The following THBS2 variants were observed in gnomAD, a reference collection of about 807,000 sequenced individuals.
THBS2 encodes thrombospondin 2, also known as thrombospondin-2.
A neutral mutation model predicts 135.2 loss-of-function variants in THBS2; 47 were observed. The observed-to-expected ratio is 0.35, with a 90% confidence interval of 0.28 to 0.44. The LOEUF is 0.44. Among genes scored for constraint, THBS2 ranks in the 20% least tolerant of loss-of-function variants. THBS2 has a pLI of 1.00. For synonymous variants in THBS2, 639 were observed against 633.8 expected (o/e 1.01, Z -0.12); for missense variants, 1,288 against 1,603.1 (o/e 0.80, Z 3.36).
chr6:169,234,954 G>C (rs1326975550), intron 9 of THBS2, 47 bp from the exon 10 acceptor site: 1 of 1,558,620 alleles, frequency 6.4e-7, no homozygotes, highest in Admixed American at 1.8e-5. Context: ...GACCCGGGGT[G>C]GAGAACGTGA....
chr6:169,240,909 G>A (rs1055777894), intron 5 of THBS2, among the ~76,000 whole-genome samples: 2 of 152,122 alleles, frequency 1.3e-5, no homozygotes, highest in Non-Finnish European at 1.5e-5. Flanking sequence ...GACGCCAGGT[G>A]GGACTGGGGT....
At position 169,240,501 on chromosome 6, in the gene THBS2, G is replaced by A. The variant is rs748832623; in HGVS notation, c.983C>T (p.Ala328Val). ...SACWQDGRFFAENETWVVDSC... is the reference protein window; with the variant it reads ...SACWQDGRFFVENETWVVDSC... Reference sequence around the variant, plus strand: ...GTCCACCACCCACGTTTCATTTTCCGCAAAGAACCGGCCATCCTGCCAGCA... The same window carrying A: ...GTCCACCACCCACGTTTCATTTTCCACAAAGAACCGGCCATCCTGCCAGCA... The change falls in exon 6 of 22, where the codon GCG becomes GTG. Residue 328 changes from alanine (A) to valine (V), a missense_variant. Coordinates refer to ENST00000617924, the MANE Select transcript of THBS2 (RefSeq NM_003247.5). 1.9e-5 allele frequency: 31 copies of A among 1,613,812 alleles called. No individual in the cohort carries two copies. Among genetic ancestry groups the A allele is most frequent in the African/African-American group, 1.7e-4 (13 of 74,912 alleles).
intron 14 of THBS2, among the ~76,000 whole-genome samples, chr6:169,229,343 A>G (rs1047153917): frequency 6.6e-6 from 1 of 152,208 alleles, no homozygotes; most frequent in Non-Finnish European, 1.5e-5. Context: ...AATAGAAAAA[A>G]TTATTCAAAA....
At position 169,250,348 on chromosome 6, in the gene THBS2, T is replaced by C. The variant is rs1780711296; in HGVS notation, c.52+385A>G. On this transcript the variant is annotated intron_variant, in intron 2 of 21. Transcript: ENST00000617924. ...ATTGAAAAAGATCAGGCTTTATCTG[T>C]GATGAAATATTATGTGGTCATTAAA... Among the ~76,000 whole-genome samples the C allele has an allele frequency of 2.0e-5, 3 of 152,340 alleles. No individual in the cohort carries two copies. In the South Asian group the frequency reaches 6.2e-4, roughly 32 times the overall value.
intron 10 of THBS2, among the ~76,000 whole-genome samples, chr6:169,234,095 C>A (rs1779948365): frequency 6.6e-6 from 1 of 151,114 alleles, no homozygotes; most frequent in Admixed American, 6.6e-5. Flanking sequence ...CAACTACCTA[C>A]ACACCATGTT....
intron 10 of THBS2, among the ~76,000 whole-genome samples, chr6:169,233,874 A>T (rs990477314): frequency 6.7e-6 from 1 of 149,716 alleles, no homozygotes; most frequent in Non-Finnish European, 1.5e-5. Flanking sequence ...TATACCACAC[A>T]ACTACCTACA....
chr6:169,249,951 AC>A (rs1380501424), intron 2 of THBS2, among the ~76,000 whole-genome samples: 1 of 151,338 alleles, frequency 6.6e-6, no homozygotes, highest in African/African-American at 2.4e-5. Context: ...AATGGCGTGA[AC>A]CCGGGAGGCA....
intron 8 of THBS2, 39 bp downstream of exon 8, chr6:169,237,585 AC>A (rs1376950839): frequency 6.2e-7 from 1 of 1,608,074 alleles, no homozygotes. Context: ...ACGCGGCCCC[AC>A]CCCCACAGGC....
chr6:169,227,608 G>A (rs1779683231), intron 15 of THBS2, among the ~76,000 whole-genome samples: 1 of 152,186 alleles, frequency 6.6e-6, no homozygotes, highest in Non-Finnish European at 1.5e-5. Context: ...TTTCTCTAGG[G>A]CGGTCCTGTG....
At chr6:169,220,074 G>T in intron 21 of THBS2, 124 bp downstream of exon 21, 3 of 1,221,608 alleles carry the variant, frequency 2.5e-6, no homozygotes, top group Admixed American at 2.2e-5. Flanking sequence ...CTCATGTGTG[G>T]TATTGTGCAT....
rs778445351 is a variant in THBS2 at position 169,217,817 on chromosome 6, C to CTTGT, written c.*1_*4dup. The CTTGT allele has an allele frequency of 2.5e-6, 4 of 1,601,180 alleles. No homozygotes were observed. The highest frequency in any genetic ancestry group is 2.2e-5 in the East Asian group (1 of 44,652). On this transcript the variant is annotated 3_prime_UTR_variant, in exon 22 of 22. Transcript: ENST00000617924. ...GGGCATTGCCGGAAATGCAGCAAAT[C>CTTGT]TTGTTTAAATATCTACAAAAAGAAA...
At chr6:169,228,986 T>C (rs1305264345) in intron 14 of THBS2, among the ~76,000 whole-genome samples, 2 of 152,254 alleles carry the variant, frequency 1.3e-5, no homozygotes, top group Non-Finnish European at 2.9e-5. Flanking sequence ...TATGCATCTG[T>C]CTTTTGTTGA....
chr6:169,234,664 C>T, intron 10 of THBS2, 70 bp downstream of exon 10: 1 of 1,371,892 alleles, frequency 7.3e-7, no homozygotes, highest in South Asian at 1.8e-5. Context: ...TCTAGTTTCC[C>T]AAAGCGTTTG....
chr6:169,233,078 C>A, intron 10 of THBS2, 61 bp from the exon 11 acceptor site: 1 of 1,443,534 alleles, frequency 6.9e-7, no homozygotes, highest in South Asian at 1.4e-5. Flanking sequence ...GAAGGAAGCC[C>A]GCCCTGTGGG....
chr6:169,232,821 G>A lies in THBS2; in HGVS notation c.1780-5C>T, dbSNP rs766415644. 1.1e-5 allele frequency: 18 copies of A among 1,612,266 alleles called. No homozygotes were observed. Among genetic ancestry groups the A allele is most frequent in the Non-Finnish European group, 1.1e-5 (13 of 1,179,116 alleles). ...GATGTCGGGGACCAGGGCACACTGC[G>A]GGGACAAGCAGACATGAGAGGCCGC... On this transcript the variant is annotated splice_region_variant and splice_polypyrimidine_tract_variant and intron_variant, in intron 11 of 21. Transcript: ENST00000617924.
chr6:169,242,990 TTC>T (rs1780402925), intron 4 of THBS2, among the ~76,000 whole-genome samples: 1 of 22,068 alleles, frequency 4.5e-5, no homozygotes, highest in African/African-American at 2.8e-4. Context: ...CCTTCCCACA[TTC>T]GCACCTTCCC....
chr6:169,220,371 GA>G (rs752134769), intron 20 of THBS2, 34 bp from the exon 21 acceptor site: 4 of 1,596,028 alleles, frequency 2.5e-6, no homozygotes, highest in Admixed American at 3.4e-5. Context: ...GAAGAGGAAA[GA>G]AAGACAACAT....
intron 11 of THBS2, 35 bp from the exon 12 acceptor site, chr6:169,232,851 G>A: frequency 6.2e-7 from 1 of 1,607,050 alleles, no homozygotes; most frequent in South Asian, 1.1e-5. Flanking sequence ...GGCCGCTCCC[G>A]ACCTCAGGGC....
At chr6:169,242,796 C>T (rs1463279508) in intron 4 of THBS2, among the ~76,000 whole-genome samples, 4 of 111,448 alleles carry the variant, frequency 3.6e-5, no homozygotes, top group African/African-American at 6.9e-5. Context: ...CCACCACTCC[C>T]ACCTTCCCAC....
Sources: allele counts gnomAD v4.1 joint callset (sites outside exome capture counted in the v4.1 genomes callset), GRCh38; gene constraint gnomAD v4.1.1; transcripts MANE v1.5; gene names NCBI Gene and HGNC (gene_info 2026-07-23, HGNC 2026-07-21).